ABCG2: variants seen among roughly 807,000 people sequenced by gnomAD.
The protein encoded by ABCG2 is broad substrate specificity ATP-binding cassette transporter ABCG2.
Under a neutral mutation model 73.5 loss-of-function variants are expected in ABCG2, and 80 were observed. The observed-to-expected ratio is 1.09, with a 90% CI of 0.91 to 1.31. The LOEUF is 1.31. Among genes scored for constraint, ABCG2 ranks in the 50% most tolerant of loss-of-function variants. The pLI is 0.00. For missense variants in ABCG2, 796 were observed against 786.2 expected (o/e 1.01, Z -0.15); for synonymous variants, 269 against 282.4 (o/e 0.95, Z 0.48).
intron 1 of ABCG2, among the ~76,000 whole-genome samples, chr4:88,152,333 G>A (rs538896560): frequency 2.6e-5 from 4 of 152,202 alleles, no homozygotes; most frequent in Admixed American, 2.0e-4. Context: ...ATTTTCACTC[G>A]CGTCCGTGTG....
chr4:88,216,162 T>C (rs1729803424), intron 1 of ABCG2, among the ~76,000 whole-genome samples: 1 of 152,148 alleles, frequency 6.6e-6, no homozygotes, highest in South Asian at 2.1e-4. Flanking sequence ...GACAGAACCT[T>C]GAGCGATATA....
At chr4:88,209,309 C>CAAAAAAA (rs60027656) in intron 1 of ABCG2, among the ~76,000 whole-genome samples, 4 of 81,452 alleles carry the variant, frequency 4.9e-5, no homozygotes, top group Non-Finnish European at 7.3e-5. Flanking sequence ...GACTCCATCT[C>CAAAAAAA]AAAAAAAAAA....
At chr4:88,100,518 A>AG (rs1480355300) in intron 11 of ABCG2, among the ~76,000 whole-genome samples, 1 of 151,848 alleles carries the variant, frequency 6.6e-6, no homozygotes, top group African/African-American at 2.4e-5. Context: ...AAAAAAAAAA[A>AG]AAAAGCTAGG....
chr4:88,156,329 C>T (rs2622603), intron 1 of ABCG2, among the ~76,000 whole-genome samples: 1 of 142,710 alleles, frequency 7.0e-6, no homozygotes, highest in African/African-American at 2.6e-5. Context: ...GAGCCGAGAT[C>T]GTGCCACTGC....
At chr4:88,144,180 TTC>T (rs1231045527) in intron 1 of ABCG2, among the ~76,000 whole-genome samples, 2 of 152,210 alleles carry the variant, frequency 1.3e-5, no homozygotes, top group Non-Finnish European at 2.9e-5. Flanking sequence ...CCATTTCTTT[TTC>T]TCTTTCTGTG....
intron 1 of ABCG2, among the ~76,000 whole-genome samples, chr4:88,147,054 GGTAAA>G (rs1351971676): frequency 1.2e-5 from 1 of 82,256 alleles, no homozygotes; most frequent in Non-Finnish European, 2.4e-5. Flanking sequence ...AGAAAAGAAA[GGTAAA>G]GGAAAGGAAA....
In ABCG2 at chr4:88,172,296, A is replaced by C. The variant is rs1338993728; in HGVS notation, c.-19-32282T>G. On this transcript the variant is annotated intron_variant, in intron 1 of 15. Transcript: ENST00000515655. ...GCAACAAGAGCAAAGCTCCGTCACA[A>C]AAAAAAAAAAAATTGCTGGGCCTAG... Among the ~76,000 whole-genome samples the C allele has an allele frequency of 6.2e-5, 9 of 144,740 alleles. No individual in the cohort carries two copies. In the South Asian group the frequency reaches 1.8e-3, roughly 28 times the overall value. 95.0% of individuals were successfully genotyped at this position (144,740 alleles called of 152,430 possible). A position where few individuals can be genotyped will look rare whatever the true frequency, so the allele number is the denominator to read the frequency against.
At chr4:88,110,877 G>A (rs549618093) in intron 9 of ABCG2, among the ~76,000 whole-genome samples, 10 of 151,736 alleles carry the variant, frequency 6.6e-5, no homozygotes, top group Admixed American at 4.6e-4. Context: ...TTCACAAATC[G>A]AAACAAAACT....
Position 88,185,616 on chromosome 4 carries a change from G to C in ABCG2, c.-20+45378C>G, listed in dbSNP as rs1333154416. 2.6e-5 allele frequency among the ~76,000 whole-genome samples: 4 copies of C among 151,684 alleles called. No homozygotes were observed. The East Asian group carries it at 7.7e-4, about 29-fold the overall frequency. On this transcript the variant is annotated intron_variant, in intron 1 of 15. Transcript: ENST00000515655. ...ATTTGTAAACTACCCATCTGACAAGGGATTAATAACCAGAATGTATAAGGA... is the reference window on the plus strand; with the variant it reads ...ATTTGTAAACTACCCATCTGACAAGCGATTAATAACCAGAATGTATAAGGA...
chr4:88,226,207 A>G (rs62308055), intron 1 of ABCG2, among the ~76,000 whole-genome samples: 6 of 152,208 alleles, frequency 3.9e-5, no homozygotes, highest in Non-Finnish European at 2.9e-5. Flanking sequence ...AGCAAGAGAC[A>G]TTTCTAAAAT....
chr4:88,222,721 C>G (rs1031561873), intron 1 of ABCG2, among the ~76,000 whole-genome samples: 3 of 152,206 alleles, frequency 2.0e-5, no homozygotes, highest in African/African-American at 7.2e-5. Context: ...CACAGAGTCC[C>G]CAGTGGGGCA....
At chr4:88,191,589 CA>C (rs1728697168) in intron 1 of ABCG2, among the ~76,000 whole-genome samples, 1 of 43,332 alleles carries the variant, frequency 2.3e-5, no homozygotes, top group African/African-American at 1.1e-4. Flanking sequence ...ACATATGAAT[CA>C]GCAATTCATT....
chr4:88,207,303 A>AT (rs60833607), intron 1 of ABCG2, among the ~76,000 whole-genome samples: 2 of 151,962 alleles, frequency 1.3e-5, no homozygotes, highest in African/African-American at 2.4e-5. Context: ...CTACTTACTG[A>AT]TTTTTTTTAA....
intron 1 of ABCG2, among the ~76,000 whole-genome samples, chr4:88,155,081 G>A (rs2110078579): frequency 1.3e-5 from 2 of 152,220 alleles, no homozygotes; most frequent in East Asian, 3.9e-4. Context: ...TAGGGTGGGG[G>A]GCAGTCTCTA....
Position 88,127,945 on chromosome 4 carries a change from C to CAA in ABCG2, c.531+3114_531+3115dup, listed in dbSNP as rs202145272. 5.0e-3 allele frequency among the ~76,000 whole-genome samples: 499 copies of CAA among 100,310 alleles called. 3 individuals are homozygous for CAA. Among genetic ancestry groups the CAA allele is most frequent in the African/African-American group, 0.017 (459 of 27,086 alleles). 65.8% of individuals were successfully genotyped at this position (100,310 alleles called of 152,430 possible). On this transcript the variant is annotated intron_variant, in intron 5 of 15. Transcript: ENST00000237612. ...ATTACACTAAAGAGCTTCTGCACAG[C>CAA]AAAAAAAAAGAAAGAAAAAAAAAAA...
At chr4:88,182,868 G>A (rs543889178) in intron 1 of ABCG2, among the ~76,000 whole-genome samples, 6 of 151,986 alleles carry the variant, frequency 3.9e-5, no homozygotes, top group African/African-American at 1.4e-4. Flanking sequence ...GGCAGATCAC[G>A]AGGTCAGGAG....
intron 1 of ABCG2, among the ~76,000 whole-genome samples, chr4:88,157,633 C>A (rs1212132203): frequency 6.6e-6 from 1 of 152,184 alleles, no homozygotes; most frequent in Non-Finnish European, 1.5e-5. Flanking sequence ...TAATGTTAGA[C>A]TTAACATGCC....
At chr4:88,143,555 G>A (rs1171840971) in intron 1 of ABCG2, among the ~76,000 whole-genome samples, 1 of 151,996 alleles carries the variant, frequency 6.6e-6, no homozygotes, top group East Asian at 1.9e-4. Flanking sequence ...CAAGACAGAG[G>A]GTAACACTTA....
chr4:88,152,192 T>C (rs1331100549), intron 1 of ABCG2, among the ~76,000 whole-genome samples: 1 of 152,156 alleles, frequency 6.6e-6, no homozygotes, highest in Non-Finnish European at 1.5e-5. Context: ...AGGGTTTCAT[T>C]TGAGAAAAAA....
Sources: allele counts gnomAD v4.1 joint callset (sites outside exome capture counted in the v4.1 genomes callset), GRCh38; gene constraint gnomAD v4.1.1; transcripts MANE v1.5; gene names NCBI Gene and HGNC (gene_info 2026-07-23, HGNC 2026-07-21).